KIAA0232: variants seen among roughly 807,000 people sequenced by gnomAD.
The protein encoded by KIAA0232 is uncharacterized protein KIAA0232.
Under a neutral mutation model 122.0 loss-of-function variants are expected in KIAA0232, and 27 were observed. The observed-to-expected ratio is 0.22, with a 90% CI of 0.16 to 0.31. The LOEUF is 0.31. KIAA0232 is among the 10% of genes least tolerant of loss of function. The pLI, the probability that KIAA0232 is intolerant of heterozygous loss-of-function variation, is 1.00. For synonymous variants in KIAA0232, 613 were observed against 587.6 expected (o/e 1.04, Z -0.63); for missense variants, 1,551 against 1,634.2 (o/e 0.95, Z 0.88).
rs1029478990 is a variant in KIAA0232, at chr4:6,861,167, G to A, written c.785G>A (p.Gly262Asp). The A allele has an allele frequency of 1.2e-6, 2 of 1,614,010 alleles. No homozygotes were observed. The highest frequency in any genetic ancestry group is 1.7e-6 in the Non-Finnish European group (2 of 1,180,040). The change falls in exon 7 of 10, where the codon GGC becomes GAC. Residue 262 changes from glycine to aspartate, a missense_variant. Physicochemically the swap from Gly to Asp is moderately conservative, Grantham distance 94. This residue lies in a region of KIAA0232 where 377 missense variants were observed against 381.7 expected (regional missense o/e 0.99). Transcript: ENST00000307659. Reference sequence around the variant, plus strand: ...GAGAAGGAAAACAAATTTAGTAATGGCACAATTGAAGAAAAGCCTGCTTTG... The same window carrying A: ...GAGAAGGAAAACAAATTTAGTAATGACACAATTGAAGAAAAGCCTGCTTTG... ...KNEKENKFSN[G>D]TIEEKPALYK...
At chr4:6,872,715 T>C (rs1721557477) in intron 8 of KIAA0232, among the ~76,000 whole-genome samples, 1 of 152,236 alleles carries the variant, frequency 6.6e-6, no homozygotes, top group Admixed American at 6.5e-5. Flanking sequence ...ATTTACGGGT[T>C]CACGTGTTTG....
intron 5 of KIAA0232, 110 bp from the exon 6 acceptor site, chr4:6,858,315 A>G (rs1159444665): frequency 2.2e-5 from 14 of 628,530 alleles, no homozygotes; most frequent in Admixed American, 3.5e-5. Context: ...TTGCCTTTTA[A>G]GCACCAAAGT....
At chr4:6,784,073 C>T (rs967465464) in intron 1 of KIAA0232, among the ~76,000 whole-genome samples, 3 of 152,012 alleles carry the variant, frequency 2.0e-5, no homozygotes, top group African/African-American at 4.8e-5. Flanking sequence ...TTTTTGTCCT[C>T]TATAGGCAAG....
At position 6,861,025 on chromosome 4, in the gene KIAA0232, G is replaced by T. The variant is rs1246912574; in HGVS notation, c.643G>T (p.Ala215Ser). 1.4e-5 allele frequency: 22 copies of T among 1,613,980 alleles called. No individual in the cohort carries two copies. The highest frequency in any genetic ancestry group is 2.7e-5 in the African/African-American group (2 of 74,888). Reference sequence around the variant, plus strand: ...TTCTTCATCATCCACAGCCCCACCAGCTAGCACAGATACTTCCTCTCCTAA... The same window carrying T: ...TTCTTCATCATCCACAGCCCCACCATCTAGCACAGATACTTCCTCTCCTAA... ...SSSSSSTAPP[A>S]STDTSSPKDC... is the part of the protein sequence containing the mutation. Residue 215 changes from alanine (A) to serine (S), a missense_variant, in exon 7 of 10, where the codon GCT becomes TCT. Ala to Ser is a moderately conservative substitution (Grantham distance 99). Coordinates refer to ENST00000307659, the MANE Select transcript of KIAA0232 (RefSeq NM_014743.3).
In KIAA0232 at chr4:6,801,473, G is replaced by C. The variant is rs144852958; in HGVS notation, c.-353-3050G>C. Among the ~76,000 whole-genome samples, 628 of 152,232 alleles carry C rather than the reference G, an allele frequency of 4.1e-3. 6 individuals are homozygous for C. The highest frequency in any genetic ancestry group is 0.014 in the African/African-American group (590 of 41,536). On this transcript the variant is annotated intron_variant, in intron 1 of 9. Coordinates refer to ENST00000307659, the MANE Select transcript of KIAA0232 (RefSeq NM_014743.3). Reference sequence around the variant, plus strand: ...GGAGGCTGAGGTGGGAGGATTGCTTGAGCCTAGGAGTTCGTGACCAGCCTG... The same window carrying C: ...GGAGGCTGAGGTGGGAGGATTGCTTCAGCCTAGGAGTTCGTGACCAGCCTG...
At chr4:6,875,275 G>A (rs776328927) in intron 8 of KIAA0232, among the ~76,000 whole-genome samples, 10 of 152,256 alleles carry the variant, frequency 6.6e-5, no homozygotes, top group African/African-American at 1.4e-4. Flanking sequence ...GCACAGAAAT[G>A]TAGGAGGGAA....
In KIAA0232 at chr4:6,838,727, C is replaced by CTTTT. The variant is rs749354748; in HGVS notation, c.232-3321_232-3318dup. 5.2e-4 allele frequency among the ~76,000 whole-genome samples: 56 copies of CTTTT among 108,242 alleles called. 1 individual carries two copies. Among genetic ancestry groups the CTTTT allele is most frequent in the South Asian group, 1.8e-3 (6 of 3,418 alleles). The allele number at this position is 108,242 out of a possible 152,430, so 71.0% of individuals were successfully genotyped here. On this transcript the variant is annotated intron_variant, in intron 3 of 9. Coordinates refer to ENST00000307659, the MANE Select transcript of KIAA0232 (RefSeq NM_014743.3). ...GAACTGACTTGTACTTTCAAAGCAG[C>CTTTT]TTTTTTTTTTTTTTTTTTTTTTGAG... is the stretch of plus-strand genomic sequence containing the variant.
At chr4:6,873,469 C>T (rs1721601973) in intron 8 of KIAA0232, among the ~76,000 whole-genome samples, 1 of 152,206 alleles carries the variant, frequency 6.6e-6, no homozygotes, top group Non-Finnish European at 1.5e-5. Flanking sequence ...CCACAGAGGA[C>T]CTCTCAGGAA....
At chr4:6,828,988 A>T (rs1718833424) in intron 3 of KIAA0232, among the ~76,000 whole-genome samples, 1 of 150,536 alleles carries the variant, frequency 6.6e-6, no homozygotes, top group South Asian at 2.1e-4. Context: ...TTTCTCCCTC[A>T]TCTAGTATCT....
At chr4:6,799,520 A>G (rs1479502481) in intron 1 of KIAA0232, among the ~76,000 whole-genome samples, 1 of 151,988 alleles carries the variant, frequency 6.6e-6, no homozygotes, top group Admixed American at 6.6e-5. Flanking sequence ...GAATTGGGAT[A>G]AAACAAACAT....
chr4:6,861,924 T>A lies in KIAA0232; in HGVS notation c.1542T>A (p.Ile514=), dbSNP rs760832560. The change falls in exon 7 of 10, where the codon ATT becomes ATA. Residue 514 remains isoleucine (I), a synonymous_variant. Transcript: ENST00000307659. Reference sequence around the variant, plus strand: ...TAACGCACTTCTATGAAGTGGATATTGATCAATCCATGTTGGATCCTGGTG... The same window carrying A: ...TAACGCACTTCTATGAAGTGGATATAGATCAATCCATGTTGGATCCTGGTG... The part of the protein sequence containing the change: ...SELTHFYEVD[I]DQSMLDPGAS... 1.2e-5 allele frequency: 20 copies of A among 1,613,922 alleles called. 1 individual carries two copies. Among genetic ancestry groups the A allele is most frequent in the Admixed American group, 5.0e-5 (3 of 60,000 alleles).
intron 3 of KIAA0232, among the ~76,000 whole-genome samples, chr4:6,836,344 T>A (rs1296324939): frequency 6.6e-6 from 1 of 151,536 alleles, no homozygotes; most frequent in Non-Finnish European, 1.5e-5. Flanking sequence ...TTGTTTTTTT[T>A]TTTTGGCTTT....
intron 1 of KIAA0232, among the ~76,000 whole-genome samples, chr4:6,790,698 A>T (rs916413724): frequency 2.6e-5 from 4 of 151,416 alleles, no homozygotes; most frequent in Admixed American, 6.6e-5. Flanking sequence ...CCTTTATTAG[A>T]TGTCTGATTA....
In KIAA0232 at chr4:6,863,014, G is replaced by A; in HGVS notation, c.2632G>A (p.Val878Met). 6.2e-7 allele frequency: 1 copy of A among 1,614,224 alleles called. No individual in the cohort carries two copies. The highest frequency in any genetic ancestry group is 8.5e-7 in the Non-Finnish European group (1 of 1,180,028). Residue 878 changes from valine to methionine, a missense_variant, in exon 7 of 10, where the codon GTG becomes ATG. Val to Met is a conservative substitution (Grantham distance 21, BLOSUM62 1). This residue lies in a region of KIAA0232 where 1,108 missense variants were observed against 1,154.8 expected (regional missense o/e 0.96). Coordinates refer to ENST00000307659, the MANE Select transcript of KIAA0232 (RefSeq NM_014743.3). The part of the protein sequence containing the change: ...LETLQEPDKA[V>M]RRSEYHLWEG... ...GACCCTTCAGGAGCCTGATAAGGCT[G>A]TGCGGAGGTCAGAGTACCATCTGTG...
At chr4:6,828,969 C>T (rs1718832482) in intron 3 of KIAA0232, among the ~76,000 whole-genome samples, 1 of 151,770 alleles carries the variant, frequency 6.6e-6, no homozygotes, top group South Asian at 2.1e-4. Flanking sequence ...TATTGTTTCT[C>T]ATTGCAGTTT....
chr4:6,863,449 G>A lies in KIAA0232; in HGVS notation c.3067G>A (p.Gly1023Arg). The change falls in exon 7 of 10, where the codon GGA (glycine) becomes AGA (arginine). Residue 1023 changes from glycine (G) to arginine (R), a missense_variant. Gly to Arg is a moderately radical substitution (Grantham distance 125). Coordinates refer to ENST00000307659, the MANE Select transcript of KIAA0232 (RefSeq NM_014743.3). Reference sequence around the variant, plus strand: ...TTTTATCTTCCATGAAGACTTACTAGGAGCTTGTGGCAACTTTCAAGTCGA... The same window carrying A: ...TTTTATCTTCCATGAAGACTTACTAAGAGCTTGTGGCAACTTTCAAGTCGA... ...FSFIFHEDLLGACGNFQVEDP... is the reference protein window; with the variant it reads ...FSFIFHEDLLRACGNFQVEDP... 6.2e-7 allele frequency: 1 copy of A among 1,614,128 alleles called. No individual in the cohort carries two copies. Among genetic ancestry groups the A allele is most frequent in the Non-Finnish European group, 8.5e-7 (1 of 1,180,012 alleles).
In KIAA0232 at chr4:6,801,577, T is replaced by C. The variant is rs546304903; in HGVS notation, c.-353-2946T>C. ...CACACACTTGTCGTCTTAGCTACTCTGGAGGCTGAGGTGGGAGGATTGCTT... is the reference window on the plus strand; with the variant it reads ...CACACACTTGTCGTCTTAGCTACTCCGGAGGCTGAGGTGGGAGGATTGCTT... On this transcript the variant is annotated intron_variant, in intron 1 of 9. Coordinates refer to ENST00000307659, the MANE Select transcript of KIAA0232 (RefSeq NM_014743.3). Among the ~76,000 whole-genome samples, 61 of 151,008 alleles carry C rather than the reference T, an allele frequency of 4.0e-4. 1 individual carries two copies. The South Asian group carries it at 0.011, about 27-fold the overall frequency.
intron 4 of KIAA0232, among the ~76,000 whole-genome samples, chr4:6,851,530 G>A (rs1048060703): frequency 6.6e-6 from 1 of 151,778 alleles, no homozygotes; most frequent in African/African-American, 2.4e-5. Flanking sequence ...ATGGGGTTTT[G>A]CAGAAACCAC....
intron 2 of KIAA0232, among the ~76,000 whole-genome samples, chr4:6,819,579 G>C (rs189174484): frequency 6.3e-4 from 96 of 152,264 alleles, no homozygotes; most frequent in Non-Finnish European, 9.6e-4. Context: ...AGTCAGAATG[G>C]CTGTCATTAG....
Sources: gnomAD v4.1 joint callset for allele counts (sites outside exome capture counted in the v4.1 genomes callset) on GRCh38, gnomAD v4.1.1 for gene constraint, gnomAD v4.1.1 regional missense constraint, MANE v1.5 for transcripts, NCBI Gene and HGNC (gene_info 2026-07-23, HGNC 2026-07-21) for gene names.